BUD23: variants seen among roughly 807,000 people sequenced by gnomAD.
The protein encoded by BUD23 is BUD23 rRNA methyltransferase and ribosome maturation factor.
In BUD23, 34 loss-of-function variants were observed where a neutral mutation model predicts 47.0. That is an observed-to-expected ratio of 0.72 (90% CI 0.55 to 0.96). The LOEUF is 0.96. Among genes scored for constraint, BUD23 ranks in the 40% least tolerant of loss-of-function variants. BUD23 has a pLI of 0.00. For missense variants in BUD23, 343 were observed against 361.2 expected, an observed-to-expected ratio of 0.95 and a Z score of 0.41; for synonymous variants, 124 against 132.0, an observed-to-expected ratio of 0.94 and a Z score of 0.41.
chr7:73,692,073 G>A (rs886396763), intron 6 of BUD23, among the ~76,000 whole-genome samples: 2 of 152,022 alleles, frequency 1.3e-5, no homozygotes, highest in Non-Finnish European at 2.9e-5. Context: ...GGGGTGAACT[G>A]CCCCTGCTGA....
At chr7:73,686,259 A>G (rs1045820031) in intron 2 of BUD23, among the ~76,000 whole-genome samples, 6 of 152,228 alleles carry the variant, frequency 3.9e-5, no homozygotes, top group African/African-American at 1.4e-4. Context: ...GAGAGAAACT[A>G]TGGAGAATAA....
chr7:73,685,589 G>T (rs1390717917), intron 2 of BUD23, among the ~76,000 whole-genome samples: 1 of 152,062 alleles, frequency 6.6e-6, no homozygotes, highest in Non-Finnish European at 1.5e-5. Flanking sequence ...TAATTTTTTT[G>T]TGGAGAGGGA....
intron 5 of BUD23, among the ~76,000 whole-genome samples, chr7:73,690,612 G>C (rs1554613843): frequency 6.6e-6 from 1 of 152,138 alleles, no homozygotes; most frequent in Non-Finnish European, 1.5e-5. Flanking sequence ...CAGTGGACCT[G>C]CACTTTTTTT....
chr7:73,691,456 C>T (rs1798192113), intron 6 of BUD23, among the ~76,000 whole-genome samples: 1 of 152,090 alleles, frequency 6.6e-6, no homozygotes, highest in South Asian at 2.1e-4. Context: ...TAGTGCTGAT[C>T]CTTTTCTTCG....
rs1554614345 is a variant in BUD23 at position 73,693,356 on chromosome 7, A to C, written c.538A>C (p.Lys180Gln). Reference protein sequence around the residue: ...QLELITTQATKAGFSGGMVVD... With the variant: ...QLELITTQATQAGFSGGMVVD... ...GGAGCTGATCACAACCCAGGCCACA[A>C]AGGCAGGCTTCTCCGGTGGCATGGT... The change falls in exon 8 of 12, where the codon AAG becomes CAG. Residue 180 changes from lysine to glutamine, a missense_variant. Physicochemically the swap from Lys to Gln is moderately conservative, Grantham distance 53. Coordinates refer to ENST00000265758, the MANE Select transcript of BUD23 (RefSeq NM_017528.5). 6.2e-7 allele frequency: 1 copy of C among 1,614,100 alleles called. No individual in the cohort carries two copies. The highest frequency in any genetic ancestry group is 2.2e-5 in the East Asian group (1 of 44,890).
chr7:73,684,263 G>A (rs1461729928), intron 2 of BUD23, among the ~76,000 whole-genome samples: 3 of 152,086 alleles, frequency 2.0e-5, no homozygotes, highest in Non-Finnish European at 4.4e-5. Flanking sequence ...AGGTGGGAGT[G>A]GCTCACGCGT....
At chr7:73,684,697 C>T (rs1377893662) in intron 2 of BUD23, among the ~76,000 whole-genome samples, 6 of 148,854 alleles carry the variant, frequency 4.0e-5, no homozygotes, top group African/African-American at 1.5e-4. Flanking sequence ...CTGAGGCAGA[C>T]GGATCACCTG....
intron 10 of BUD23, chr7:73,695,987 T>C (rs769655360): frequency 6.6e-6 from 1 of 152,242 alleles, no homozygotes; most frequent in Non-Finnish European, 1.5e-5. Flanking sequence ...ACTGGTATTA[T>C]ATCCCTGACA....
intron 9 of BUD23, 31 bp from the exon 10 acceptor site, chr7:73,693,961 G>T (rs374875424): frequency 1.6e-5 from 26 of 1,611,554 alleles, no homozygotes; most frequent in Non-Finnish European, 2.1e-5. Flanking sequence ...GAACTCTCCA[G>T]GGTGACCTGA....
chr7:73,687,140 C>A, intron 5 of BUD23, 45 bp downstream of exon 5: 1 of 1,588,114 alleles, frequency 6.3e-7, no homozygotes, highest in South Asian at 1.1e-5. Flanking sequence ...GAGACAGGGT[C>A]TCACTCTATC....
chr7:73,687,162 A>G (rs1554613188), intron 5 of BUD23, 67 bp downstream of exon 5: 2 of 1,526,974 alleles, frequency 1.3e-6, no homozygotes, highest in African/African-American at 2.7e-5. Flanking sequence ...CTTAGGCTCT[A>G]GTGCAGTGTC....
At position 73,686,969 on chromosome 7, in the gene BUD23, CTT is replaced by C. The variant is rs1563552253; in HGVS notation, c.266-28_266-27del. 8 of 1,614,126 alleles carry C rather than the reference CTT, an allele frequency of 5.0e-6. No homozygotes were observed. In the East Asian group the frequency reaches 1.6e-4, roughly 31 times the overall value. ...GTGTGGAGAAGCCACAGGTATTTCT[CTT>C]TCTCTGACTGCCTTTTCTCTAATGT... On this transcript the variant is annotated intron_variant, in intron 4 of 11. Transcript: ENST00000265758.
chr7:73,690,517 G>A (rs13247328), intron 5 of BUD23, among the ~76,000 whole-genome samples: 89,708 of 151,944 alleles, frequency 0.59, 26,768 homozygotes, highest in Middle Eastern at 0.74. Context: ...GAAACAAGGT[G>A]GAGGAAAGGT....
At chr7:73,689,031 G>A (rs1255651231) in intron 5 of BUD23, among the ~76,000 whole-genome samples, 4 of 152,144 alleles carry the variant, frequency 2.6e-5, no homozygotes, top group Admixed American at 6.6e-5. Flanking sequence ...GTTTGTCTTC[G>A]GGGAGAGGTG....
At chr7:73,684,768 G>A (rs1275733560) in intron 2 of BUD23, among the ~76,000 whole-genome samples, 1 of 150,794 alleles carries the variant, frequency 6.6e-6, no homozygotes, top group African/African-American at 2.4e-5. Context: ...ACTAAAAATG[G>A]AAAAAATTAG....
At chr7:73,692,572 C>T in intron 6 of BUD23, 24 bp from the exon 7 acceptor site, 1 of 1,612,196 alleles carries the variant, frequency 6.2e-7, no homozygotes, top group Middle Eastern at 1.7e-4. Context: ...ATTTGTAAGA[C>T]AGTGATGTTC....
intron 5 of BUD23, among the ~76,000 whole-genome samples, chr7:73,689,504 G>A (rs1798106685): frequency 6.6e-6 from 1 of 152,162 alleles, no homozygotes; most frequent in African/African-American, 2.4e-5. Flanking sequence ...GGCATGAGTG[G>A]TGTGTGCCCT....
At chr7:73,684,084 G>A (rs2116659571) in intron 2 of BUD23, 2 of 1,124,870 alleles carry the variant, frequency 1.8e-6, no homozygotes, top group Admixed American at 3.0e-5. Flanking sequence ...TAAAAGAGGC[G>A]CTGGGCGGTG....
chr7:73,689,341 C>T (rs1452973750), intron 5 of BUD23, among the ~76,000 whole-genome samples: 5 of 152,104 alleles, frequency 3.3e-5, no homozygotes, highest in Non-Finnish European at 5.9e-5. Flanking sequence ...GCCACCGCAC[C>T]CGGCCCAGAC....
Sources: allele counts gnomAD v4.1 joint callset (sites outside exome capture counted in the v4.1 genomes callset), GRCh38; gene constraint gnomAD v4.1.1; transcripts MANE v1.5; gene names NCBI Gene and HGNC (gene_info 2026-07-23, HGNC 2026-07-21).